The following PSMD6 variants were observed in gnomAD, a reference collection of about 807,000 sequenced individuals.
PSMD6 encodes proteasome 26S subunit, non-ATPase 6.
PSMD6 carries 7 observed loss-of-function variants against 44.9 expected under a neutral mutation model. The ratio of observed to expected loss-of-function variants is 0.16; its 90% CI spans 0.09 to 0.29. PSMD6 has a LOEUF of 0.29. Ranked by LOEUF, PSMD6 falls within the 10% of genes least tolerant of loss-of-function variation. The probability of loss-of-function intolerance (pLI) is 1.00; values close to 1 mark genes in which losing one functional copy is unlikely to be tolerated. For synonymous variants in PSMD6, 184 were observed against 172.7 expected (o/e 1.07, Z -0.51); for missense variants, 420 against 482.6 (o/e 0.87, Z 1.21).
Position 64,020,099 on chromosome 3 carries a change from A to G in PSMD6, c.352-658T>C, listed in dbSNP as rs145085670. Among the ~76,000 whole-genome samples, 221 of 152,346 alleles carry G rather than the reference A, an allele frequency of 1.5e-3. 1 individual carries two copies. The highest frequency in any genetic ancestry group is 5.0e-3 in the African/African-American group (206 of 41,578). On this transcript the variant is annotated intron_variant, in intron 2 of 7. Transcript: ENST00000295901. The stretch of plus-strand genomic sequence containing the variant: ...GATCCTAGGAGAAATAGATAATTCT[A>G]CGTTTATTAGAGTGAAAATAACAGG...
chr3:64,019,776 C>T (rs77639204), intron 2 of PSMD6: 25,434 of 201,352 alleles, frequency 0.13, 1,734 homozygotes, highest in Admixed American at 0.17. Context: ...TCACAATACA[C>T]TACATCAAAA....
intron 6 of PSMD6, 120 bp downstream of exon 6, chr3:64,013,316 AAAC>A: frequency 2.0e-6 from 2 of 1,024,750 alleles, no homozygotes; most frequent in Non-Finnish European, 2.8e-6. Context: ...CTGAGGAAAA[AAAC>A]CTCTCCCCTC....
At chr3:64,017,853 T>C (rs2076071725) in intron 5 of PSMD6, 1 of 152,228 alleles carries the variant, frequency 6.6e-6, no homozygotes, top group South Asian at 2.1e-4. Flanking sequence ...AATATATCAA[T>C]GTCAAATTTT....
chr3:64,013,284 G>C, intron 6 of PSMD6, 155 bp downstream of exon 6: 3 of 661,944 alleles, frequency 4.5e-6, no homozygotes, highest in Non-Finnish European at 7.3e-6. Flanking sequence ...AGAGGCAACA[G>C]GATACGAATG....
intron 6 of PSMD6, chr3:64,011,952 C>G (rs2075963348): frequency 1.3e-5 from 2 of 152,262 alleles, no homozygotes; most frequent in Admixed American, 1.3e-4. Context: ...CCCTAATGAA[C>G]AGCCCTCTTA....
At chr3:64,011,083 A>ATGC in intron 6 of PSMD6, 128 bp from the exon 7 acceptor site, 1 of 722,496 alleles carries the variant, frequency 1.4e-6, no homozygotes, top group South Asian at 1.9e-5. Context: ...GTTATTGCAC[A>ATGC]TGCAGTAGTT....
Position 64,022,440 on chromosome 3 carries a change from T to G in PSMD6, c.229A>C (p.Asn77His). 6.2e-7 allele frequency: 1 copy of G among 1,614,200 alleles called. No homozygotes were observed. The highest frequency in any genetic ancestry group is 1.1e-5 in the South Asian group (1 of 91,088). The change falls in exon 2 of 8, where the codon AAT becomes CAT. Residue 77 changes from asparagine (N) to histidine (H), a missense_variant. This residue lies in a region of PSMD6 where 136 missense variants were observed against 124.2 expected (regional missense o/e 1.09). Coordinates refer to ENST00000295901, the MANE Select transcript of PSMD6 (RefSeq NM_014814.3). ...VDLLNKMKKA[N>H]EDELKRLDEE... ...TCCAAACGCTTCAACTCATCTTCATTTGCCTTCTTCATTTTATTGAGTAGG... is the reference window on the plus strand; with the variant it reads ...TCCAAACGCTTCAACTCATCTTCATGTGCCTTCTTCATTTTATTGAGTAGG...
At position 64,023,489 on chromosome 3, in the gene PSMD6, G is replaced by A. The variant is rs932582740; in HGVS notation, c.-70C>T. The A allele has an allele frequency of 1.7e-5, 25 of 1,482,340 alleles. No individual in the cohort carries two copies. In the African/African-American group the frequency reaches 2.6e-4, roughly 15 times the overall value. 91.8% of individuals were successfully genotyped at this position (1,482,340 alleles called of 1,614,324 possible). On this transcript the variant is annotated 5_prime_UTR_variant, in exon 1 of 8. Coordinates refer to ENST00000295901, the MANE Select transcript of PSMD6 (RefSeq NM_014814.3). ...ACCGGCTGCGGCAGCGGAAGCGGGA[G>A]GAGTCGGCGAATACGCCCGGCCGCC...
chr3:64,011,071 T>TTGTTATTGCACATGCAGTAG, intron 6 of PSMD6, 116 bp from the exon 7 acceptor site: 1 of 819,764 alleles, frequency 1.2e-6, no homozygotes, highest in Non-Finnish European at 1.9e-6. Context: ...CCCTTCAAGC[T>TTGTTATTGCACATGCAGTAG]TGTTATTGCA....
In PSMD6 at chr3:64,010,763, G is replaced by A. The variant is rs754698499; in HGVS notation, c.1075C>T (p.Pro359Ser). The A allele has an allele frequency of 6.2e-7, 1 of 1,600,824 alleles. No homozygotes were observed. The highest frequency in any genetic ancestry group is 1.1e-5 in the South Asian group (1 of 90,286). Residue 359 changes from proline to serine, a missense_variant and splice_region_variant, in exon 8 of 8, where the codon CCT (proline) becomes TCT (serine). Around this residue, in one of 4 missense-constraint regions of PSMD6, gnomAD observed 63 missense variants for 112.1 expected, o/e 0.56. Coordinates refer to ENST00000295901, the MANE Select transcript of PSMD6 (RefSeq NM_014814.3). The stretch of plus-strand genomic sequence containing the variant: ...TGGTACTGCCAGTTCTTGCTATCAG[G>A]TCTATAAATAAATTCAAGAAAAAAT... ...KVNEIVETNR[P>S]DSKNWQYQET...
chr3:64,012,239 T>TAAAAG (rs781052692), intron 6 of PSMD6: 3 of 152,158 alleles, frequency 2.0e-5, no homozygotes, highest in African/African-American at 7.2e-5. Context: ...TGGTCTTATT[T>TAAAAG]AAAAGAAATG....
chr3:64,011,919 A>C (rs2075962332), intron 6 of PSMD6: 1 of 152,420 alleles, frequency 6.6e-6, no homozygotes. Context: ...CATGAAAAAC[A>C]CACTCATAAT....
At chr3:64,016,566 G>A (rs1009117061) in intron 5 of PSMD6, 1 of 128,688 alleles carries the variant, frequency 7.8e-6, no homozygotes, top group Non-Finnish European at 1.6e-5. Flanking sequence ...TGGGGCACAT[G>A]GCCAGTTAAG....
upstream of PSMD6, chr3:64,023,909 A>G: frequency 7.5e-7 from 1 of 1,338,594 alleles, no homozygotes; most frequent in Non-Finnish European, 1.0e-6. Context: ...TGAGGCACAA[A>G]GAGGTTAGGG....
At chr3:64,020,069 C>A (rs149957604) in intron 2 of PSMD6, 145 of 152,228 alleles carry the variant, frequency 9.5e-4, no homozygotes, top group African/African-American at 3.3e-3. Context: ...CTAAAAGGAA[C>A]CAGGGATCCT....
At chr3:64,015,320 CTT>C (rs1030239508) in intron 5 of PSMD6, 32 of 152,280 alleles carry the variant, frequency 2.1e-4, no homozygotes, top group African/African-American at 7.7e-4. Flanking sequence ...ATTTTTTAGA[CTT>C]TTTCCCCAAG....
intron 2 of PSMD6, among the ~76,000 whole-genome samples, chr3:64,020,381 A>C (rs181480227): frequency 1.3e-5 from 2 of 152,318 alleles, no homozygotes; most frequent in East Asian, 3.9e-4. Context: ...AAGAGTATTT[A>C]ATAAATACAG....
chr3:64,023,035 C>A, intron 1 of PSMD6: 1 of 1,427,620 alleles, frequency 7.0e-7, no homozygotes, highest in South Asian at 1.5e-5. Flanking sequence ...ACGATTCTCC[C>A]CCAAGCTGCC....
intron 2 of PSMD6, among the ~76,000 whole-genome samples, chr3:64,021,260 A>G (rs1342527378): frequency 6.6e-6 from 1 of 152,248 alleles, no homozygotes; most frequent in Non-Finnish European, 1.5e-5. Flanking sequence ...AAACTATGCC[A>G]GAGCTAGCTC....
Sources: allele counts gnomAD v4.1 joint callset (sites outside exome capture counted in the v4.1 genomes callset), GRCh38; gene constraint gnomAD v4.1.1; regional missense constraint gnomAD v4.1.1; transcripts MANE v1.5; gene names NCBI Gene and HGNC (gene_info 2026-07-23, HGNC 2026-07-21).